CRY1: variants seen among roughly 807,000 people sequenced by gnomAD.
The protein encoded by CRY1 is cryptochrome circadian regulator 1, also known as cryptochrome-1.
Under a neutral mutation model 76.0 loss-of-function variants are expected in CRY1, and 45 were observed. The ratio of observed to expected loss-of-function variants is 0.59; its 90% CI spans 0.47 to 0.76. CRY1 has a LOEUF of 0.76. Among genes scored for constraint, CRY1 ranks in the 30% least tolerant of loss-of-function variants. CRY1 has a pLI of 0.00. For synonymous variants in CRY1, 248 were observed against 244.0 expected, an observed-to-expected ratio of 1.02 and a Z score of -0.15; for missense variants, 587 against 716.4, an observed-to-expected ratio of 0.82 and a Z score of 2.06.
chr12:107,014,587 CTACT>C (rs1952478361), intron 2 of CRY1, among the ~76,000 whole-genome samples: 1 of 110,058 alleles, frequency 9.1e-6, no homozygotes, highest in African/African-American at 2.8e-5. Context: ...TGTTTTCTTT[CTACT>C]AACTATTAGT....
intron 1 of CRY1, among the ~76,000 whole-genome samples, chr12:107,061,512 T>C (rs1953046982): frequency 6.6e-6 from 1 of 152,062 alleles, no homozygotes; most frequent in African/African-American, 2.4e-5. Context: ...CCTGGGTAGC[T>C]GGGATTACAG....
chr12:107,025,405 A>G (rs1335882381), intron 1 of CRY1, among the ~76,000 whole-genome samples: 1 of 152,216 alleles, frequency 6.6e-6, no homozygotes, highest in East Asian at 1.9e-4. Flanking sequence ...AAGTCTATCA[A>G]CAAATTACTA....
At chr12:107,023,287 G>T (rs116497469) in intron 1 of CRY1, among the ~76,000 whole-genome samples, 1,891 of 152,168 alleles carry the variant, frequency 0.012, 32 homozygotes, top group African/African-American at 0.043. Context: ...ATCTAATATG[G>T]TAACCAAAAG....
At chr12:107,065,048 C>G (rs576153056) in intron 1 of CRY1, among the ~76,000 whole-genome samples, 154 of 152,256 alleles carry the variant, frequency 1.0e-3, no homozygotes, top group African/African-American at 3.6e-3. Flanking sequence ...ATTTTCCCAG[C>G]ACTTTGGGAG....
chr12:107,039,414 C>T (rs1201870337), intron 1 of CRY1, among the ~76,000 whole-genome samples: 4 of 152,148 alleles, frequency 2.6e-5, no homozygotes, highest in African/African-American at 4.8e-5. Flanking sequence ...AAAATATTTG[C>T]AAACCATTTA....
chr12:107,001,743 C>A (rs767843285), intron 4 of CRY1, 21 bp downstream of exon 4: 11 of 1,509,486 alleles, frequency 7.3e-6, no homozygotes, highest in Non-Finnish European at 9.7e-6. Context: ...AAGCCTCACA[C>A]TGACTACAGT....
chr12:107,001,964 G>A lies in CRY1; in HGVS notation c.411-16C>T, dbSNP rs1284496203. Reference sequence around the variant, plus strand: ...TTCTATGATCCTATAACAAGAGTTAGTAAAATGTAGTTAGTATTAAAAAAG... The same window carrying A: ...TTCTATGATCCTATAACAAGAGTTAATAAAATGTAGTTAGTATTAAAAAAG... On this transcript the variant is annotated splice_polypyrimidine_tract_variant and intron_variant, in intron 3 of 12. Coordinates refer to ENST00000008527, the MANE Select transcript of CRY1 (RefSeq NM_004075.5). The A allele has an allele frequency of 1.9e-6, 3 of 1,551,918 alleles. No homozygotes were observed. Among genetic ancestry groups the A allele is most frequent in the South Asian group, 2.5e-5 (2 of 78,622 alleles).
rs960197265 is a variant in CRY1, at chr12:106,991,758, A to T, written c.*244T>A. On this transcript the variant is annotated 3_prime_UTR_variant, in exon 13 of 13. Transcript: ENST00000008527. ...ATCAAAAATATATCGATGGGTCTAT[A>T]CTAATTGTGACTGTTTATATTTACA... The T allele has an allele frequency of 6.6e-6, 1 of 152,598 alleles. No individual in the cohort carries two copies. The highest frequency in any genetic ancestry group is 1.5e-5 in the Non-Finnish European group (1 of 68,000). 9.5% of individuals were successfully genotyped at this position (152,598 alleles called of 1,614,324 possible). A position where few individuals can be genotyped will look rare whatever the true frequency, so the allele number is the denominator to read the frequency against.
intron 1 of CRY1, among the ~76,000 whole-genome samples, chr12:107,075,248 G>A (rs185044489): frequency 2.1e-4 from 32 of 152,220 alleles, no homozygotes; most frequent in African/African-American, 7.2e-4. Context: ...AGTCAGTTGT[G>A]TTTCTCAAAC....
intron 1 of CRY1, among the ~76,000 whole-genome samples, chr12:107,073,243 C>CT (rs572589570): frequency 0.033 from 4,835 of 148,006 alleles, 111 homozygotes; most frequent in African/African-American, 0.071. Flanking sequence ...CTCTCTCTCT[C>CT]TTTTTTTTTT....
intron 1 of CRY1, among the ~76,000 whole-genome samples, chr12:107,069,343 G>A (rs1435005004): frequency 6.6e-6 from 1 of 150,750 alleles, no homozygotes; most frequent in Non-Finnish European, 1.5e-5. Context: ...TCCTGCCTCA[G>A]CCTCCCGAGT....
intron 1 of CRY1, among the ~76,000 whole-genome samples, chr12:107,032,510 ACACACAC>A: frequency 1.8e-5 from 1 of 56,462 alleles, no homozygotes; most frequent in East Asian, 5.8e-4. Flanking sequence ...ACTGTTACAG[ACACACAC>A]ACACACACAC....
chr12:107,003,089 T>C (rs1002410791), intron 3 of CRY1, among the ~76,000 whole-genome samples: 2 of 152,328 alleles, frequency 1.3e-5, no homozygotes, highest in South Asian at 4.1e-4. Flanking sequence ...TATATTACTG[T>C]GGTGACAATT....
At chr12:107,086,895 C>A (rs568316708) in intron 1 of CRY1, among the ~76,000 whole-genome samples, 1 of 152,028 alleles carries the variant, frequency 6.6e-6, no homozygotes, top group South Asian at 2.1e-4. Context: ...AGGGGCACTG[C>A]CCTCCAGGAC....
intron 5 of CRY1, 41 bp downstream of exon 5, chr12:107,001,239 T>G (rs766510536): frequency 7.0e-7 from 1 of 1,431,274 alleles, no homozygotes; most frequent in East Asian, 2.3e-5. Flanking sequence ...AAATGGCAGT[T>G]TGGAAATACA....
At chr12:107,051,732 G>A (rs1331275494) in intron 1 of CRY1, among the ~76,000 whole-genome samples, 1 of 152,060 alleles carries the variant, frequency 6.6e-6, no homozygotes, top group Non-Finnish European at 1.5e-5. Flanking sequence ...TTCTAGAGTT[G>A]AATTACACTA....
intron 1 of CRY1, among the ~76,000 whole-genome samples, chr12:107,022,511 C>A (rs1186060307): frequency 6.6e-6 from 1 of 151,562 alleles, no homozygotes. Flanking sequence ...ATTGTTTAAA[C>A]TTGATGAAAT....
chr12:106,998,975 T>C lies in CRY1; in HGVS notation c.1137+576A>G, dbSNP rs532387989. Among the ~76,000 whole-genome samples the C allele has an allele frequency of 3.4e-5, 5 of 146,160 alleles. No individual in the cohort carries two copies. In the East Asian group the frequency reaches 6.0e-4, roughly 18 times the overall value. On this transcript the variant is annotated intron_variant, in intron 7 of 12. Coordinates refer to ENST00000008527, the MANE Select transcript of CRY1 (RefSeq NM_004075.5). Reference sequence around the variant, plus strand: ...GAGAATCACTTGAACCTGGAAGGCGTAGGTTGCAGTGAGCTGAGATCACGT... The same window carrying C: ...GAGAATCACTTGAACCTGGAAGGCGCAGGTTGCAGTGAGCTGAGATCACGT...
intron 1 of CRY1, among the ~76,000 whole-genome samples, chr12:107,057,848 C>T (rs1282334547): frequency 6.6e-6 from 1 of 151,884 alleles, no homozygotes; most frequent in Non-Finnish European, 1.5e-5. Flanking sequence ...TGATTGAGGC[C>T]AGGAGTTCAA....
Sources: allele counts gnomAD v4.1 joint callset (sites outside exome capture counted in the v4.1 genomes callset), GRCh38; gene constraint gnomAD v4.1.1; transcripts MANE v1.5; gene names NCBI Gene and HGNC (gene_info 2026-07-23, HGNC 2026-07-21).